Variants in SLC24A2 observed in about 807,000 individuals in gnomAD.
SLC24A2 encodes sodium/potassium/calcium exchanger 2.
Under a neutral mutation model 62.0 loss-of-function variants are expected in SLC24A2, and 36 were observed. That is an observed-to-expected ratio of 0.58 (90% CI 0.44 to 0.77). SLC24A2 has a LOEUF of 0.77. Ranked by LOEUF, SLC24A2 falls within the 30% of genes least tolerant of loss-of-function variation. The probability of loss-of-function intolerance (pLI) is 0.00; values close to 1 mark genes in which losing one functional copy is unlikely to be tolerated. For synonymous variants in SLC24A2, 358 were observed against 294.0 expected, an observed-to-expected ratio of 1.22 and a Z score of -2.23; for missense variants, 846 against 817.9, an observed-to-expected ratio of 1.03 and a Z score of -0.42.
chr9:19,583,359 C>T (rs776629231), intron 5 of SLC24A2, among the ~76,000 whole-genome samples: 1 of 152,216 alleles, frequency 6.6e-6, no homozygotes, highest in African/African-American at 2.4e-5. Context: ...TCTATAGCTT[C>T]TCTCTCCAGC....
the SLC24A2 span, among the ~76,000 whole-genome samples, chr9:20,128,696 C>T: frequency 6.6e-6 from 1 of 152,032 alleles, no homozygotes; most frequent in Non-Finnish European, 1.5e-5. Context: ...GGTGCTAAGA[C>T]CGCTCAATGG....
chr9:19,887,838 T>A, the SLC24A2 span, among the ~76,000 whole-genome samples: 49,308 of 152,108 alleles, frequency 0.32, 8,265 homozygotes, highest in East Asian at 0.58. Context: ...TAAAAGGGAA[T>A]GAATTAATGA....
chr9:19,931,402 A>G, the SLC24A2 span, among the ~76,000 whole-genome samples: 1 of 152,226 alleles, frequency 6.6e-6, no homozygotes, highest in Non-Finnish European at 1.5e-5. Flanking sequence ...AACACATAAA[A>G]CCAACAAGAG....
At chr9:20,278,645 C>T in the SLC24A2 span, among the ~76,000 whole-genome samples, 1 of 152,208 alleles carries the variant, frequency 6.6e-6, no homozygotes, top group East Asian at 1.9e-4. Context: ...AGCCACTCAA[C>T]AAGTCTCTAG....
intron 4 of SLC24A2, among the ~76,000 whole-genome samples, chr9:19,606,346 C>T (rs188574959): frequency 1.5e-4 from 23 of 152,240 alleles, no homozygotes; most frequent in African/African-American, 4.8e-4. Context: ...GGTCTCAGGG[C>T]CTTAGAGTAG....
intron 2 of SLC24A2, among the ~76,000 whole-genome samples, chr9:19,774,651 T>C (rs1822791005): frequency 6.6e-6 from 1 of 152,182 alleles, no homozygotes; most frequent in African/African-American, 2.4e-5. Context: ...AAACCTGTAT[T>C]TCTACCTACA....
At chr9:19,756,830 T>C (rs1290965394) in intron 2 of SLC24A2, among the ~76,000 whole-genome samples, 2 of 149,450 alleles carry the variant, frequency 1.3e-5, no homozygotes, top group African/African-American at 4.9e-5. Flanking sequence ...TAGGGAAGTG[T>C]TTTAGGGAGA....
At chr9:19,598,538 C>T (rs527701124) in intron 4 of SLC24A2, among the ~76,000 whole-genome samples, 8 of 152,010 alleles carry the variant, frequency 5.3e-5, no homozygotes, top group South Asian at 2.1e-4. Flanking sequence ...TATGTTTCTA[C>T]GAAGAGCTGC....
intron 2 of SLC24A2, among the ~76,000 whole-genome samples, chr9:19,739,482 C>T (rs934032990): frequency 1.3e-5 from 2 of 152,118 alleles, no homozygotes; most frequent in South Asian, 2.1e-4. Context: ...AGCAGAAGGA[C>T]ATACAAACAG....
the SLC24A2 span, among the ~76,000 whole-genome samples, chr9:19,864,375 A>C: frequency 5.9e-5 from 9 of 151,972 alleles, no homozygotes; most frequent in African/African-American, 2.2e-4. Flanking sequence ...CCAGAAAAAA[A>C]AACAACAACA....
intron 1 of SLC24A2, 70 bp from the exon 2 acceptor site, chr9:19,787,089 A>G (rs1199640002): frequency 8.1e-6 from 7 of 864,336 alleles, no homozygotes; most frequent in Non-Finnish European, 9.7e-6. Context: ...ATCTTTGCAG[A>G]TATGATAAAG....
chr9:20,235,717 C>T, the SLC24A2 span, among the ~76,000 whole-genome samples: 3 of 152,162 alleles, frequency 2.0e-5, no homozygotes, highest in East Asian at 1.9e-4. Flanking sequence ...GGCTCGCACA[C>T]GGTGTACTGC....
the SLC24A2 span, among the ~76,000 whole-genome samples, chr9:20,255,783 G>A: frequency 6.6e-6 from 1 of 152,194 alleles, no homozygotes; most frequent in Non-Finnish European, 1.5e-5. Flanking sequence ...CAGGTTAAAA[G>A]GAATAGAAAG....
At position 19,758,842 on chromosome 9, in the gene SLC24A2, A is replaced by T. The variant is rs187362074; in HGVS notation, c.930+27095T>A. ...ATCACTGCTGTCAGTAATTCCTGCTAATCAGAAAGTTGGAGCTAGAACACA... is the reference window on the plus strand; with the variant it reads ...ATCACTGCTGTCAGTAATTCCTGCTTATCAGAAAGTTGGAGCTAGAACACA... On this transcript the variant is annotated intron_variant, in intron 2 of 10. Coordinates refer to ENST00000341998, the MANE Select transcript of SLC24A2 (RefSeq NM_020344.4). 5.3e-5 allele frequency among the ~76,000 whole-genome samples: 8 copies of T among 152,320 alleles called. No individual in the cohort carries two copies. The East Asian group carries it at 1.5e-3, about 29-fold the overall frequency.
the SLC24A2 span, among the ~76,000 whole-genome samples, chr9:19,828,955 C>G: frequency 3.3e-5 from 5 of 152,114 alleles, no homozygotes; most frequent in Non-Finnish European, 5.9e-5. Context: ...CTCCAGATCC[C>G]TAATGGACAC....
chr9:19,842,208 T>C, the SLC24A2 span, among the ~76,000 whole-genome samples: 1 of 152,224 alleles, frequency 6.6e-6, no homozygotes, highest in African/African-American at 2.4e-5. Context: ...ACCCTCAGAA[T>C]GCCCTATCCA....
rs1278012878 is a variant in SLC24A2 at position 19,786,855 on chromosome 9, T to C, written c.12A>G (p.Gln4=). ...CTAGGGAAGTGATGGTGGTGCTTTG[T>C]TGCAGATCCATCCTGGGTCTTCTGG... MDL[Q]QSTTITSLEK... Residue 4 remains glutamine, a synonymous_variant, in exon 2 of 11, where the codon CAA becomes CAG. Coordinates refer to ENST00000341998, the MANE Select transcript of SLC24A2 (RefSeq NM_020344.4). This position sits in a 1 kb window ranked among gnomAD's most constrained non-coding sequence, Gnocchi z 5.0. 9 of 1,610,300 alleles carry C rather than the reference T, an allele frequency of 5.6e-6. No homozygotes were observed. The highest frequency in any genetic ancestry group is 1.7e-5 in the Admixed American group (1 of 59,982).
chr9:19,790,381 C>G (rs1177782030), upstream of SLC24A2, among the ~76,000 whole-genome samples: 1 of 152,076 alleles, frequency 6.6e-6, no homozygotes, highest in African/African-American at 2.4e-5. Flanking sequence ...CCTATGTCAT[C>G]ATTTTGAAGC....
intron 2 of SLC24A2, among the ~76,000 whole-genome samples, chr9:19,667,388 C>T (rs1819285157): frequency 6.6e-6 from 1 of 152,208 alleles, no homozygotes; most frequent in Admixed American, 6.5e-5. Context: ...CAACCAGAGG[C>T]CTGATATTGT....
Sources: allele counts gnomAD v4.1 joint callset (sites outside exome capture counted in the v4.1 genomes callset), GRCh38; gene constraint gnomAD v4.1.1; non-coding constraint Gnocchi (gnomAD v3.1); transcripts MANE v1.5; gene names NCBI Gene and HGNC (gene_info 2026-07-23, HGNC 2026-07-21).